The following CC2D2A variants were observed in gnomAD, a reference collection of about 807,000 sequenced individuals.
The protein encoded by CC2D2A is coiled-coil and C2 domain-containing protein 2A.
CC2D2A carries 155 observed loss-of-function variants against 212.9 expected under a neutral mutation model. That is an observed-to-expected ratio of 0.73 (90% CI 0.64 to 0.83). The LOEUF (loss-of-function observed/expected upper bound fraction) is 0.83, where lower values mean the gene tolerates loss of function less well. CC2D2A is among the 40% of genes least tolerant of loss of function. The probability of loss-of-function intolerance (pLI) is 0.00; values close to 1 mark genes in which losing one functional copy is unlikely to be tolerated. For missense variants in CC2D2A, 1,856 were observed against 1,956.2 expected, an observed-to-expected ratio of 0.95 and a Z score of 0.97; for synonymous variants, 667 against 686.5, an observed-to-expected ratio of 0.97 and a Z score of 0.44.
intron 20 of CC2D2A, among the ~76,000 whole-genome samples, chr4:15,556,167 T>C (rs940949587): frequency 6.6e-6 from 1 of 152,236 alleles, no homozygotes; most frequent in Non-Finnish European, 1.5e-5. Flanking sequence ...ATTGGTTTTA[T>C]TGGCAACTTC....
Position 15,516,002 on chromosome 4 carries a change from C to A in CC2D2A, c.1015C>A (p.Pro339Thr). 1 of 1,590,754 alleles carries A rather than the reference C, an allele frequency of 6.3e-7. No individual in the cohort carries two copies. The highest frequency in any genetic ancestry group is 1.2e-5 in the South Asian group (1 of 86,588). Residue 339 changes from proline (P) to threonine (T), a missense_variant and splice_region_variant, in exon 10 of 37, where the codon CCC becomes ACC. Pro to Thr is a conservative substitution (Grantham distance 38). Transcript: ENST00000424120. Reference protein sequence around the residue: ...IMENRLLMQDPERRWFGDDGR... With the variant: ...IMENRLLMQDTERRWFGDDGR... Reference sequence around the variant, plus strand: ...GGAGAACAGATTGCTGATGCAGGACCCCGTAAGTGTGCACCCTCTGCTCTC... The same window carrying A: ...GGAGAACAGATTGCTGATGCAGGACACCGTAAGTGTGCACCCTCTGCTCTC...
intron 30 of CC2D2A, among the ~76,000 whole-genome samples, chr4:15,580,408 C>T (rs970776454): frequency 3.3e-5 from 5 of 152,080 alleles, no homozygotes; most frequent in South Asian, 2.1e-4. Context: ...GAGGCCAAGG[C>T]GGGCAGATGA....
rs564064742 is a variant in CC2D2A, at chr4:15,522,190, G to A, written c.1150-5257G>A. Among the ~76,000 whole-genome samples the A allele has an allele frequency of 4.1e-4, 63 of 152,306 alleles. No homozygotes were observed. The East Asian group carries it at 7.9e-3, about 19-fold the overall frequency. On this transcript the variant is annotated intron_variant, in intron 11 of 36. Coordinates refer to ENST00000424120, the MANE Select transcript of CC2D2A (RefSeq NM_001378615.1). ...CACGCCAGCTTGGTTGACAGAGCGA[G>A]ACCTTGTCTCTAAAAAATACATGCA...
chr4:15,589,159 TAG>T (rs1238605108), intron 32 of CC2D2A, among the ~76,000 whole-genome samples: 1 of 152,012 alleles, frequency 6.6e-6, no homozygotes, highest in African/African-American at 2.4e-5. Context: ...ATATTAGAAA[TAG>T]AAATATTTCT....
At chr4:15,554,267 G>A (rs543160854) in intron 19 of CC2D2A, among the ~76,000 whole-genome samples, 9 of 152,342 alleles carry the variant, frequency 5.9e-5, no homozygotes, top group Admixed American at 2.0e-4. Context: ...AACACAATGT[G>A]AGTAACAAGA....
intron 24 of CC2D2A, among the ~76,000 whole-genome samples, chr4:15,564,604 T>C (rs1719796513): frequency 6.6e-6 from 1 of 152,164 alleles, no homozygotes; most frequent in African/African-American, 2.4e-5. Context: ...TTCCAGCCCT[T>C]GGTGTCTTTT....
intron 20 of CC2D2A, 95 bp from the exon 21 acceptor site, chr4:15,557,209 C>A (rs925648833): frequency 2.8e-6 from 2 of 708,636 alleles, no homozygotes; most frequent in African/African-American, 1.8e-5. Context: ...GTCTTTTAAT[C>A]TAAAACTGTT....
chr4:15,536,944 T>G lies in CC2D2A; in HGVS notation c.1632T>G (p.Asp544Glu), dbSNP rs1553832449. The G allele has an allele frequency of 6.2e-7, 1 of 1,613,810 alleles. No individual in the cohort carries two copies. Among genetic ancestry groups the G allele is most frequent in the Admixed American group, 1.7e-5 (1 of 60,014 alleles). The change falls in exon 15 of 37, where the codon GAT becomes GAG. Residue 544 changes from aspartate to glutamate, a missense_variant. Around this residue, in one of 5 missense-constraint regions of CC2D2A, gnomAD observed 1,512 missense variants for 1,579.3 expected, o/e 0.96. Coordinates refer to ENST00000424120, the MANE Select transcript of CC2D2A (RefSeq NM_001378615.1). ...GGGAAAAAGCTGACCAGAAAGCAGATGAAGAAGCATATGAAGCAGAAATTC... is the reference window on the plus strand; with the variant it reads ...GGGAAAAAGCTGACCAGAAAGCAGAGGAAGAAGCATATGAAGCAGAAATTC... ...LRKEKADQKA[D>E]EEAYEAEIQA... is the part of the protein sequence containing the mutation.
chr4:15,574,037 C>T, intron 28 of CC2D2A, 113 bp from the exon 29 acceptor site: 1 of 824,316 alleles, frequency 1.2e-6, no homozygotes, highest in Non-Finnish European at 1.9e-6. Context: ...GCTTTGAATG[C>T]CAGTCTGAGC....
At position 15,560,552 on chromosome 4, in the gene CC2D2A, C is replaced by T. The variant is rs747319638; in HGVS notation, c.2944C>T (p.Arg982Cys). Residue 982 changes from arginine to cysteine, a missense_variant, in exon 23 of 37, where the codon CGT (arginine) becomes TGT (cysteine). By Grantham distance (180) the Arg-to-Cys change is radical (BLOSUM62 -3). Transcript: ENST00000424120. ...LQQVRESVIN[R>C]FLIAKQYFLL... ...CCAGGTTAGAGAATCAGTGATAAATCGTTTCTTAATTGCAAAACAATATTT... is the reference window on the plus strand; with the variant it reads ...CCAGGTTAGAGAATCAGTGATAAATTGTTTCTTAATTGCAAAACAATATTT... 2.0e-6 allele frequency: 3 copies of T among 1,516,830 alleles called. No homozygotes were observed. The highest frequency in any genetic ancestry group is 2.3e-5 in the East Asian group (1 of 43,352). The allele number at this position is 1,516,830 out of a possible 1,614,324, so 94.0% of individuals were successfully genotyped here.
intron 8 of CC2D2A, chr4:15,511,650 C>A: frequency 3.1e-6 from 1 of 326,214 alleles, no homozygotes; most frequent in Non-Finnish European, 5.5e-6. Context: ...GTTTATTTTT[C>A]TTTTGTGGAA....
rs1272123067 is a variant in CC2D2A, at chr4:15,574,222, G to C, written c.3667G>C (p.Glu1223Gln). 1.3e-6 allele frequency: 2 copies of C among 1,551,466 alleles called. No individual in the cohort carries two copies. The highest frequency in any genetic ancestry group is 1.7e-6 in the Non-Finnish European group (2 of 1,146,854). The change falls in exon 29 of 37, where the codon GAG becomes CAG. Residue 1223 changes from glutamate (E) to glutamine (Q), a missense_variant. Glu to Gln is a conservative substitution (Grantham distance 29). Transcript: ENST00000424120. Reference sequence around the variant, plus strand: ...CAGTAAGGAGCGAAATATGATTCTTGAGCGGGGTTTTGATTCTGTCCGAAG... The same window carrying C: ...CAGTAAGGAGCGAAATATGATTCTTCAGCGGGGTTTTGATTCTGTCCGAAG... ...GYSKERNMILERGFDSVRSLS... is the reference protein window; with the variant it reads ...GYSKERNMILQRGFDSVRSLS...
intron 22 of CC2D2A, among the ~76,000 whole-genome samples, chr4:15,559,716 T>C (rs1429125499): frequency 2.7e-5 from 4 of 145,456 alleles, no homozygotes; most frequent in Admixed American, 1.3e-4. Flanking sequence ...TTGCCACAAA[T>C]GCTAAGTGAC....
intron 1 of CC2D2A, among the ~76,000 whole-genome samples, chr4:15,472,286 G>A (rs1713883511): frequency 6.6e-6 from 1 of 152,198 alleles, no homozygotes; most frequent in Non-Finnish European, 1.5e-5. Flanking sequence ...ACATGTTATT[G>A]TGAGGACTAA....
At chr4:15,537,756 TG>T in intron 15 of CC2D2A, 142 bp from the exon 16 acceptor site, 1 of 781,766 alleles carries the variant, frequency 1.3e-6, no homozygotes. Context: ...AGAGGTCAGG[TG>T]GCTTAGTGAC....
In CC2D2A at chr4:15,530,169, C is replaced by A. The variant is rs1261638516; in HGVS notation, c.1466+1443C>A. On this transcript the variant is annotated intron_variant, in intron 13 of 36. Transcript: ENST00000424120. The stretch of plus-strand genomic sequence containing the variant: ...TGTATTTTTAGTAGAGACGGCGTTT[C>A]ACCGCGTTAGCCAAGATGGTCTAGA... 2.0e-5 allele frequency among the ~76,000 whole-genome samples: 3 copies of A among 152,086 alleles called. No individual in the cohort carries two copies. The East Asian group carries it at 5.8e-4, about 29-fold the overall frequency.
intron 31 of CC2D2A, among the ~76,000 whole-genome samples, chr4:15,587,296 C>A (rs1290855655): frequency 6.6e-6 from 1 of 152,204 alleles, no homozygotes; most frequent in East Asian, 1.9e-4. Context: ...CTGCTACTCA[C>A]CTCCTGCTGT....
At chr4:15,506,798 G>A (rs976142105) in intron 6 of CC2D2A, among the ~76,000 whole-genome samples, 1 of 152,090 alleles carries the variant, frequency 6.6e-6, no homozygotes, top group African/African-American at 2.4e-5. Context: ...CCTAGGCCGG[G>A]TGCGGTGGCT....
chr4:15,544,569 C>T (rs1718614772), intron 17 of CC2D2A, among the ~76,000 whole-genome samples: 1 of 152,172 alleles, frequency 6.6e-6, no homozygotes, highest in Admixed American at 6.5e-5. Context: ...GGCCTCCCCT[C>T]CTGCAGGTGC....
Sources: gnomAD v4.1 joint callset for allele counts (sites outside exome capture counted in the v4.1 genomes callset) on GRCh38, gnomAD v4.1.1 for gene constraint, gnomAD v4.1.1 regional missense constraint, MANE v1.5 for transcripts, NCBI Gene and HGNC (gene_info 2026-07-23, HGNC 2026-07-21) for gene names.